Variants in NEO1 observed in about 807,000 individuals in gnomAD.
The protein encoded by NEO1 is neogenin 1, also known as neogenin.
A neutral mutation model predicts 159.7 loss-of-function variants in NEO1; 63 were observed. The ratio of observed to expected loss-of-function variants is 0.39; its 90% CI spans 0.32 to 0.49. The LOEUF is 0.49. NEO1 is among the 20% of genes least tolerant of loss of function. NEO1 has a pLI of 0.85. For missense variants in NEO1, 1,615 were observed against 1,831.0 expected (o/e 0.88, Z 2.15); for synonymous variants, 633 against 662.0 (o/e 0.96, Z 0.67).
rs547472358 is a variant in NEO1 at position 73,083,218 on chromosome 15, T to C, written c.130+30413T>C. Among the ~76,000 whole-genome samples, 233 of 152,044 alleles carry C rather than the reference T, an allele frequency of 1.5e-3. 1 individual carries two copies. Among genetic ancestry groups the C allele is most frequent in the African/African-American group, 5.4e-3 (223 of 41,458 alleles). On this transcript the variant is annotated intron_variant, in intron 1 of 28. Coordinates refer to ENST00000261908, the MANE Select transcript of NEO1 (RefSeq NM_002499.4). ...GGAGCAGGGCAAAACTGAAAAGAGG[T>C]CAGGCAGTTGGTTAGAAAGCAATTG...
intron 7 of NEO1, among the ~76,000 whole-genome samples, chr15:73,187,709 C>T (rs539916850): frequency 6.6e-6 from 1 of 152,296 alleles, no homozygotes; most frequent in East Asian, 1.9e-4. Context: ...AGGAAGTACA[C>T]TGGATTTGGC....
At chr15:73,130,797 G>A (rs2031012721) in intron 4 of NEO1, among the ~76,000 whole-genome samples, 2 of 152,224 alleles carry the variant, frequency 1.3e-5, no homozygotes, top group South Asian at 4.1e-4. Context: ...ATCAAAGGAG[G>A]CCCAGCGGAG....
At chr15:73,130,587 A>G (rs945661462) in intron 4 of NEO1, among the ~76,000 whole-genome samples, 4 of 152,150 alleles carry the variant, frequency 2.6e-5, no homozygotes, top group Non-Finnish European at 4.4e-5. Context: ...AGGAGCCTAG[A>G]CTTCCACCCT....
chr15:73,198,775 C>G (rs1331403067), intron 7 of NEO1, among the ~76,000 whole-genome samples: 5 of 151,888 alleles, frequency 3.3e-5, no homozygotes, highest in Non-Finnish European at 5.9e-5. Context: ...CTAATTTCCT[C>G]TTTTTTCTTT....
chr15:73,060,278 T>G (rs1340732374), intron 1 of NEO1, among the ~76,000 whole-genome samples: 1 of 152,162 alleles, frequency 6.6e-6, no homozygotes, highest in Non-Finnish European at 1.5e-5. Flanking sequence ...TGTTTGTTTT[T>G]TCTGAGACTG....
In NEO1 at chr15:73,132,398, T is replaced by C. The variant is rs560851338; in HGVS notation, c.879-3493T>C. ...AAGTCTGAGTGTGTCATTACTCTGC[T>C]CAAAAGCCTTTCCCTAAGACCTGAA... On this transcript the variant is annotated intron_variant, in intron 4 of 28. Coordinates refer to ENST00000261908, the MANE Select transcript of NEO1 (RefSeq NM_002499.4). 5.9e-5 allele frequency among the ~76,000 whole-genome samples: 9 copies of C among 152,282 alleles called. No individual in the cohort carries two copies. The South Asian group carries it at 1.7e-3, about 28-fold the overall frequency.
At chr15:73,257,506 TA>T (rs966614874) in intron 13 of NEO1, among the ~76,000 whole-genome samples, 2 of 152,220 alleles carry the variant, frequency 1.3e-5, no homozygotes, top group African/African-American at 4.8e-5. Context: ...CTTGCACTCT[TA>T]AAGCATTAAC....
chr15:73,292,000 A>G (rs998653617), intron 25 of NEO1, among the ~76,000 whole-genome samples: 1 of 152,162 alleles, frequency 6.6e-6, no homozygotes, highest in Non-Finnish European at 1.5e-5. Flanking sequence ...CAGTTACCTC[A>G]AGAGCCCTCC....
chr15:73,156,944 C>T (rs1048309985), intron 5 of NEO1, among the ~76,000 whole-genome samples: 2 of 152,116 alleles, frequency 1.3e-5, no homozygotes, highest in African/African-American at 4.8e-5. Flanking sequence ...TGTTGCTATG[C>T]CGAAGTCTTA....
At chr15:73,106,464 T>C (rs879650166) in intron 1 of NEO1, among the ~76,000 whole-genome samples, 6 of 152,226 alleles carry the variant, frequency 3.9e-5, no homozygotes, top group Non-Finnish European at 8.8e-5. Flanking sequence ...TAAAAATTGT[T>C]GATGAATATT....
chr15:73,165,917 G>T, intron 5 of NEO1, among the ~76,000 whole-genome samples: 1 of 152,154 alleles, frequency 6.6e-6, no homozygotes. Flanking sequence ...TCCCCTTACT[G>T]CACATGTGTC....
In NEO1 at chr15:73,122,615, T is replaced by G; in HGVS notation, c.539T>G (p.Val180Gly). 1 of 1,614,174 alleles carries G rather than the reference T, an allele frequency of 6.2e-7. No individual in the cohort carries two copies. Among genetic ancestry groups the G allele is most frequent in the Non-Finnish European group, 8.5e-7 (1 of 1,180,016 alleles). The change falls in exon 3 of 29, where the codon GTC becomes GGC. Residue 180 changes from valine (V) to glycine (G), a missense_variant. Physicochemically the swap from Val to Gly is moderately radical, Grantham distance 109 (BLOSUM62 -3). Transcript: ENST00000261908. ...ILNCEVNADL[V>G]PFVRWEQNRQ... is the part of the protein sequence containing the mutation. ...AATTGTGAAGTTAATGCAGATTTGG[T>G]CCCATTTGTGAGGTGGGAACAGAAC...
At chr15:73,183,247 CA>C (rs769133190) in intron 7 of NEO1, among the ~76,000 whole-genome samples, 15 of 152,038 alleles carry the variant, frequency 9.9e-5, no homozygotes, top group Admixed American at 2.6e-4. Context: ...GGAGACAGGA[CA>C]AAGGCCTTCC....
intron 11 of NEO1, among the ~76,000 whole-genome samples, chr15:73,250,604 C>A (rs2040021421): frequency 6.6e-6 from 1 of 151,984 alleles, no homozygotes; most frequent in Non-Finnish European, 1.5e-5. Context: ...TGAATCTGAT[C>A]ATGATGAAAC....
At chr15:73,237,514 A>G (rs1292579394) in intron 8 of NEO1, among the ~76,000 whole-genome samples, 2 of 152,220 alleles carry the variant, frequency 1.3e-5, no homozygotes, top group African/African-American at 4.8e-5. Context: ...AGGAGCCCTA[A>G]TACATCAGCT....
chr15:73,057,985 C>T (rs972881385), intron 1 of NEO1, among the ~76,000 whole-genome samples: 1 of 152,090 alleles, frequency 6.6e-6, no homozygotes, highest in African/African-American at 2.4e-5. Flanking sequence ...ATAAGTAACC[C>T]CTTTTAATAT....
chr15:73,292,732 G>A (rs1232360607), intron 25 of NEO1, among the ~76,000 whole-genome samples: 3 of 152,228 alleles, frequency 2.0e-5, no homozygotes, highest in Admixed American at 2.0e-4. Context: ...CAGACTGGAA[G>A]CAGTAAAAGA....
intron 1 of NEO1, among the ~76,000 whole-genome samples, chr15:73,054,184 T>C (rs1328847627): frequency 2.0e-5 from 3 of 152,244 alleles, no homozygotes; most frequent in Non-Finnish European, 2.9e-5. Context: ...AAGAGAAATA[T>C]AACTATTTTG....
At chr15:73,265,864 A>T (rs570492021) in intron 15 of NEO1, among the ~76,000 whole-genome samples, 11 of 152,324 alleles carry the variant, frequency 7.2e-5, no homozygotes, top group Non-Finnish European at 8.8e-5. Context: ...TTGGAGAGTC[A>T]AGGACATTGA....
Sources: gnomAD v4.1 joint callset for allele counts (sites outside exome capture counted in the v4.1 genomes callset) on GRCh38, gnomAD v4.1.1 for gene constraint, MANE v1.5 for transcripts, NCBI Gene and HGNC (gene_info 2026-07-23, HGNC 2026-07-21) for gene names.